The following ANXA8 variants were observed in gnomAD, a reference collection of about 807,000 sequenced individuals.
The protein encoded by ANXA8 is VAC-beta.
In ANXA8, 9 loss-of-function variants were observed where a neutral mutation model predicts 26.8. The observed-to-expected ratio is 0.34, with a 90% confidence interval of 0.20 to 0.59. The LOEUF is 0.59. Among genes scored for constraint, ANXA8 ranks in the 20% least tolerant of loss-of-function variants. ANXA8 has a pLI of 0.84. For synonymous variants in ANXA8, 39 were observed against 94.8 expected (o/e 0.41, Z 3.42); for missense variants, 83 against 238.5 (o/e 0.35, Z 4.29).
the ANXA8 span, among the ~76,000 whole-genome samples, chr10:47,651,657 G>A: frequency 1.0e-4 from 15 of 150,310 alleles, no homozygotes; most frequent in African/African-American, 3.7e-4. Flanking sequence ...CGCTTTGGAA[G>A]GCCGAGGCAG....
At chr10:47,497,505 G>C in the ANXA8 span, among the ~76,000 whole-genome samples, 1 of 147,926 alleles carries the variant, frequency 6.8e-6, no homozygotes, top group African/African-American at 2.5e-5. Context: ...TGTAATCCCA[G>C]CTACTCAGGA....
the ANXA8 span, among the ~76,000 whole-genome samples, chr10:47,562,114 T>C: frequency 3.3e-5 from 5 of 151,920 alleles, no homozygotes; most frequent in African/African-American, 1.2e-4. Flanking sequence ...ATATGATTTG[T>C]TTTTACAGTA....
the ANXA8 span, among the ~76,000 whole-genome samples, chr10:47,954,709 A>C: frequency 1.8e-4 from 27 of 150,832 alleles, no homozygotes; most frequent in East Asian, 1.0e-3. Flanking sequence ...TAAAAAAAAA[A>C]CAGAAATTCC....
At chr10:47,749,484 G>A in the ANXA8 span, among the ~76,000 whole-genome samples, 2 of 145,720 alleles carry the variant, frequency 1.4e-5, no homozygotes, top group African/African-American at 5.0e-5. Flanking sequence ...ATTAAAATGA[G>A]TAATAATAAT....
chr10:47,552,661 T>C, the ANXA8 span, among the ~76,000 whole-genome samples: 1 of 152,026 alleles, frequency 6.6e-6, no homozygotes. Context: ...CCTGGGAATC[T>C]GTGGCCAATA....
At chr10:47,659,673 T>C in the ANXA8 span, among the ~76,000 whole-genome samples, 2 of 146,218 alleles carry the variant, frequency 1.4e-5, no homozygotes, top group Non-Finnish European at 3.0e-5. Flanking sequence ...CGAAACTCTG[T>C]CTCAAAAAAA....
At chr10:47,489,941 G>A in the ANXA8 span, among the ~76,000 whole-genome samples, 1 of 150,718 alleles carries the variant, frequency 6.6e-6, no homozygotes, top group African/African-American at 2.5e-5. Context: ...AGACGCCAGG[G>A]CCTTGGCTGC....
At chr10:47,523,710 A>T in the ANXA8 span, 2 of 1,442,956 alleles carry the variant, frequency 1.4e-6, no homozygotes, top group Non-Finnish European at 1.8e-6. Flanking sequence ...GGCCCCGGCT[A>T]GGGCTGCGGG....
At chr10:47,744,964 G>T in the ANXA8 span, among the ~76,000 whole-genome samples, 139,054 of 151,438 alleles carry the variant, frequency 0.92, 64,224 homozygotes, top group South Asian at 1. Context: ...CTAAACTTTC[G>T]ATTTCATTTT....
At chr10:47,636,344 G>A in the ANXA8 span, among the ~76,000 whole-genome samples, 1 of 141,884 alleles carries the variant, frequency 7.0e-6, no homozygotes, top group Non-Finnish European at 1.5e-5. Context: ...AGGGAAATGT[G>A]TAGATTTTAA....
chr10:47,971,174 A>G, the ANXA8 span, among the ~76,000 whole-genome samples: 1 of 150,744 alleles, frequency 6.6e-6, no homozygotes, highest in African/African-American at 2.4e-5. Flanking sequence ...CCTTTTCTCA[A>G]ATACGGTCTA....
the ANXA8 span, among the ~76,000 whole-genome samples, chr10:47,662,738 GA>G: frequency 8.8e-6 from 1 of 113,908 alleles, no homozygotes; most frequent in African/African-American, 3.6e-5. Context: ...TATAATGTCT[GA>G]AATAATGCAT....
the ANXA8 span, among the ~76,000 whole-genome samples, chr10:47,976,923 C>T: frequency 4.7e-5 from 3 of 64,244 alleles, 1 homozygote; most frequent in African/African-American, 1.6e-4. Flanking sequence ...TTCATAGAGG[C>T]TTTGGAAAAA....
the ANXA8 span, among the ~76,000 whole-genome samples, chr10:47,894,964 A>G: frequency 6.6e-6 from 1 of 151,946 alleles, no homozygotes; most frequent in Non-Finnish European, 1.5e-5. Flanking sequence ...CACCTCACAC[A>G]CCACACATAC....
the ANXA8 span, among the ~76,000 whole-genome samples, chr10:47,525,368 G>T: frequency 7.1e-6 from 1 of 141,718 alleles, no homozygotes; most frequent in South Asian, 2.2e-4. Context: ...ATCGTGCCAT[G>T]GCACTCCTGC....
chr10:47,633,581 TC>T, the ANXA8 span, among the ~76,000 whole-genome samples: 1 of 110,240 alleles, frequency 9.1e-6, no homozygotes, highest in Admixed American at 9.6e-5. Flanking sequence ...AAATAAAATC[TC>T]CTATTTCGAT....
At chr10:47,744,669 A>C in the ANXA8 span, among the ~76,000 whole-genome samples, 1 of 151,926 alleles carries the variant, frequency 6.6e-6, no homozygotes, top group African/African-American at 2.4e-5. Flanking sequence ...TGGCATACTA[A>C]ATTCAACCAA....
chr10:47,631,450 C>G, the ANXA8 span, among the ~76,000 whole-genome samples: 2 of 150,924 alleles, frequency 1.3e-5, no homozygotes, highest in African/African-American at 4.9e-5. Context: ...CACCTGGCCT[C>G]ATTTCAAAAG....
At chr10:47,498,311 G>C in the ANXA8 span, among the ~76,000 whole-genome samples, 734 of 136,708 alleles carry the variant, frequency 5.4e-3, 3 homozygotes, top group East Asian at 0.022. Context: ...GTTCATCCAT[G>C]TTGTAGCATG....
Sources: gnomAD v4.1 joint callset for allele counts (sites outside exome capture counted in the v4.1 genomes callset) on GRCh38, gnomAD v4.1.1 for gene constraint, MANE v1.5 for transcripts, NCBI Gene and HGNC (gene_info 2026-07-23, HGNC 2026-07-21) for gene names.